The following TRAPPC9 variants were observed in gnomAD, a reference collection of about 807,000 sequenced individuals.
TRAPPC9 encodes IKK2 binding protein.
Under a neutral mutation model 124.0 loss-of-function variants are expected in TRAPPC9, and 83 were observed. That is an observed-to-expected ratio of 0.67 (90% confidence interval 0.56 to 0.80). TRAPPC9 has a LOEUF of 0.80. Ranked by LOEUF, TRAPPC9 falls within the 30% of genes least tolerant of loss-of-function variation. The pLI is 0.00. For missense variants in TRAPPC9, 1,302 were observed against 1,508.3 expected, an observed-to-expected ratio of 0.86 and a Z score of 2.27; for synonymous variants, 638 against 617.5, an observed-to-expected ratio of 1.03 and a Z score of -0.49.
intron 4 of TRAPPC9, among the ~76,000 whole-genome samples, chr8:140,430,604 T>A (rs1274259878): frequency 2.6e-5 from 4 of 152,158 alleles, no homozygotes; most frequent in Non-Finnish European, 5.9e-5. Flanking sequence ...GGATGCCCAT[T>A]TTTCTGCATC....
At chr8:140,349,271 GGGGC>G (rs2067457879) in intron 9 of TRAPPC9, among the ~76,000 whole-genome samples, 1 of 142,082 alleles carries the variant, frequency 7.0e-6, no homozygotes, top group Non-Finnish European at 1.5e-5. Flanking sequence ...GGGGCCGATG[GGGGC>G]GCACGAAGGA....
rs762902616 is a variant in TRAPPC9, at chr8:139,984,314, C to T, written c.2810+4412G>A. ...AGGTAGCAGTGAGAGCACCACCTTCCGCTCCTGCTGGTAGCGATGAAGCTG... is the reference window on the plus strand; with the variant it reads ...AGGTAGCAGTGAGAGCACCACCTTCTGCTCCTGCTGGTAGCGATGAAGCTG... On this transcript the variant is annotated intron_variant, in intron 19 of 22. Transcript: ENST00000438773. This position sits in a 1 kb window ranked among gnomAD's most constrained non-coding sequence, Gnocchi z 4.3. 4.6e-4 allele frequency among the ~76,000 whole-genome samples: 70 copies of T among 152,314 alleles called. No homozygotes were observed. Among genetic ancestry groups the T allele is most frequent in the Middle Eastern group, 3.4e-3 (1 of 294 alleles).
Position 140,191,828 on chromosome 8 carries a change from G to A in TRAPPC9, c.2556+29631C>T, listed in dbSNP as rs985821859. On this transcript the variant is annotated intron_variant, in intron 17 of 22. Transcript: ENST00000438773. ...TGTCCACGAAAAGGCAGAGGTCACC[G>A]GCTAATACCCCATAGCACAGTGGAA... Among the ~76,000 whole-genome samples the A allele has an allele frequency of 5.9e-5, 9 of 152,126 alleles. No individual in the cohort carries two copies. In the East Asian group the frequency reaches 7.7e-4, roughly 13 times the overall value.
At chr8:139,770,099 C>G (rs2130434779) in intron 21 of TRAPPC9, among the ~76,000 whole-genome samples, 1 of 152,366 alleles carries the variant, frequency 6.6e-6, no homozygotes, top group African/African-American at 2.4e-5. Flanking sequence ...CAGCGAAAGC[C>G]CAATCCCGAG....
intron 19 of TRAPPC9, among the ~76,000 whole-genome samples, chr8:139,955,647 T>C (rs946421376): frequency 2.0e-5 from 3 of 152,098 alleles, no homozygotes; most frequent in African/African-American, 7.2e-5. Flanking sequence ...GAAAAGTATC[T>C]AACTGGAAAA....
At chr8:140,325,480 T>C (rs181765253) in intron 9 of TRAPPC9, among the ~76,000 whole-genome samples, 14 of 152,266 alleles carry the variant, frequency 9.2e-5, no homozygotes, top group African/African-American at 3.4e-4. Context: ...AAGAGGATAA[T>C]AAGGGAACAG....
Position 140,104,769 on chromosome 8 carries a change from A to G in TRAPPC9, c.2557-80690T>C, listed in dbSNP as rs933368531. Among the ~76,000 whole-genome samples, 1 of 152,260 alleles carries G rather than the reference A, an allele frequency of 6.6e-6. No homozygotes were observed. Among genetic ancestry groups the G allele is most frequent in the Admixed American group, 6.5e-5 (1 of 15,284 alleles). On this transcript the variant is annotated intron_variant, in intron 17 of 22. Coordinates refer to ENST00000438773, the MANE Select transcript of TRAPPC9 (RefSeq NM_001160372.4). This position sits in a 1 kb window ranked among gnomAD's most constrained non-coding sequence, Gnocchi z 4.0. ...GCTAACAGAAGAACGGTTCACACCGACAAGGTACTTCTTAAACATCCTTCT... is the reference window on the plus strand; with the variant it reads ...GCTAACAGAAGAACGGTTCACACCGGCAAGGTACTTCTTAAACATCCTTCT...
chr8:140,230,567 G>A (rs975015145), intron 16 of TRAPPC9, among the ~76,000 whole-genome samples: 11 of 151,858 alleles, frequency 7.2e-5, no homozygotes, highest in African/African-American at 1.2e-4. Flanking sequence ...AGCCAAGATC[G>A]GGCCACTGCA....
intron 17 of TRAPPC9, among the ~76,000 whole-genome samples, chr8:140,133,928 CG>C (rs2061248675): frequency 6.6e-6 from 1 of 150,784 alleles, no homozygotes; most frequent in African/African-American, 2.4e-5. Flanking sequence ...AGACATCCCA[CG>C]TTCATGGATA....
chr8:139,749,801 C>T (rs75058953), intron 21 of TRAPPC9, among the ~76,000 whole-genome samples: 2,053 of 152,306 alleles, frequency 0.013, 39 homozygotes, highest in African/African-American at 0.047. Context: ...TTAGCTGCTG[C>T]CCCTGTGCTG....
At chr8:139,950,417 G>C (rs1034799475) in intron 19 of TRAPPC9, among the ~76,000 whole-genome samples, 1 of 152,238 alleles carries the variant, frequency 6.6e-6, no homozygotes, top group Admixed American at 6.5e-5. Context: ...TGAAGTTCAG[G>C]GTGGTTGGGG....
chr8:139,819,952 G>C (rs1825137651), intron 21 of TRAPPC9, among the ~76,000 whole-genome samples: 1 of 133,870 alleles, frequency 7.5e-6, no homozygotes, highest in African/African-American at 2.8e-5. Context: ...AGGTTGCAGT[G>C]AGCCAAGATT....
At chr8:140,261,814 G>A (rs1175548520) in intron 15 of TRAPPC9, among the ~76,000 whole-genome samples, 1 of 152,130 alleles carries the variant, frequency 6.6e-6, no homozygotes, top group Non-Finnish European at 1.5e-5. Flanking sequence ...TGCAGGATGC[G>A]TCAGACACCC....
intron 19 of TRAPPC9, chr8:139,914,712 G>C (rs116095679): frequency 6.6e-6 from 1 of 152,214 alleles, no homozygotes; most frequent in African/African-American, 2.4e-5. Flanking sequence ...GCTCCATAAC[G>C]GCTTTCTCAA....
chr8:140,239,603 G>A (rs552906486), intron 16 of TRAPPC9, among the ~76,000 whole-genome samples: 1 of 152,260 alleles, frequency 6.6e-6, no homozygotes, highest in South Asian at 2.1e-4. Context: ...ACCTCCTCAC[G>A]GCCGTGGAGG....
chr8:139,962,669 C>T lies in TRAPPC9; in HGVS notation c.2810+26057G>A, dbSNP rs1039371967. Among the ~76,000 whole-genome samples the T allele has an allele frequency of 1.3e-4, 16 of 124,494 alleles. 6 individuals are homozygous for T. The highest frequency in any genetic ancestry group is 5.1e-4 in the Admixed American group (6 of 11,836). 81.7% of individuals were successfully genotyped at this position (124,494 alleles called of 152,430 possible). On this transcript the variant is annotated intron_variant, in intron 19 of 22. Transcript: ENST00000438773. ...CAGCCCCACTGGAAGCATGTGGCCA[C>T]GGTGACCAGGAGGACACATGGACTT...
chr8:140,180,158 T>C (rs4307319), intron 17 of TRAPPC9, among the ~76,000 whole-genome samples: 77,839 of 151,312 alleles, frequency 0.51, 22,066 homozygotes, highest in East Asian at 0.99. Context: ...TTTTCCTCCC[T>C]TATTTTATAA....
At chr8:139,786,227 C>T (rs1395253024) in intron 21 of TRAPPC9, among the ~76,000 whole-genome samples, 1 of 151,986 alleles carries the variant, frequency 6.6e-6, no homozygotes, top group Non-Finnish European at 1.5e-5. Context: ...AACAAATAAA[C>T]CCAGTAAAAT....
chr8:139,963,739 C>A (rs1245942130), intron 19 of TRAPPC9, among the ~76,000 whole-genome samples: 5 of 130,306 alleles, frequency 3.8e-5, no homozygotes. Context: ...CCTCCGAGAA[C>A]CAGTTCTACC....
Sources: allele counts gnomAD v4.1 joint callset (sites outside exome capture counted in the v4.1 genomes callset), GRCh38; gene constraint gnomAD v4.1.1; non-coding constraint Gnocchi (gnomAD v3.1); transcripts MANE v1.5; gene names NCBI Gene and HGNC (gene_info 2026-07-23, HGNC 2026-07-21).